Variants in LRBA observed in about 807,000 individuals in gnomAD.
LRBA encodes the protein lipopolysaccharide-responsive and beige-like anchor protein.
LRBA carries 176 observed loss-of-function variants against 330.0 expected under a neutral mutation model. The ratio of observed to expected loss-of-function variants is 0.53; its 90% CI spans 0.47 to 0.60. LRBA has a LOEUF of 0.60. LRBA is among the 20% of genes least tolerant of loss of function. The probability of loss-of-function intolerance (pLI) is 0.00; values close to 1 mark genes in which losing one functional copy is unlikely to be tolerated. For missense variants in LRBA, 3,259 were observed against 3,444.8 expected (o/e 0.95, Z 1.35); for synonymous variants, 1,230 against 1,193.0 (o/e 1.03, Z -0.64).
intron 53 of LRBA, among the ~76,000 whole-genome samples, chr4:150,288,346 G>A (rs1317671043): frequency 1.3e-5 from 2 of 151,750 alleles, no homozygotes; most frequent in African/African-American, 4.8e-5. Context: ...AATGGCTCAC[G>A]CCTGTAATCC....
At chr4:150,832,059 A>G in intron 28 of LRBA, 83 bp from the exon 29 acceptor site, 1 of 779,234 alleles carries the variant, frequency 1.3e-6, no homozygotes, top group Non-Finnish European at 1.9e-6. Flanking sequence ...TAAATACAAA[A>G]CATGTTCACA....
Position 150,905,854 on chromosome 4 carries a change from A to G in LRBA, c.1739T>C (p.Ile580Thr). The change falls in exon 13 of 57, where the codon ATT becomes ACT. Residue 580 changes from isoleucine (I) to threonine (T), a missense_variant. Physicochemically the swap from Ile to Thr is moderately conservative, Grantham distance 89. Transcript: ENST00000651943. The part of the protein sequence containing the change: ...DHVLLNPAIW[I>T]HTPAKVQLML... ...ATATATTACCTTGGCTGGGGTATGA[A>G]TCCATATGGCAGGATTAAGAAGAAC... is the stretch of plus-strand genomic sequence containing the variant. 1 of 1,613,300 alleles carries G rather than the reference A, an allele frequency of 6.2e-7. No homozygotes were observed. The highest frequency in any genetic ancestry group is 1.7e-4 in the Middle Eastern group (1 of 6,054).
intron 36 of LRBA, among the ~76,000 whole-genome samples, chr4:150,707,522 C>T (rs961223178): frequency 7.3e-5 from 11 of 151,544 alleles, no homozygotes; most frequent in African/African-American, 2.7e-4. Context: ...GTGTCAAAAA[C>T]TGCAGAGACC....
intron 37 of LRBA, among the ~76,000 whole-genome samples, chr4:150,670,140 C>T (rs763547040): frequency 6.6e-6 from 1 of 152,092 alleles, no homozygotes; most frequent in African/African-American, 2.4e-5. Flanking sequence ...ATTATTCCAT[C>T]GCCTTAAGTT....
chr4:150,494,120 T>A (rs1759286284), intron 40 of LRBA, among the ~76,000 whole-genome samples: 1 of 152,084 alleles, frequency 6.6e-6, no homozygotes, highest in African/African-American at 2.4e-5. Context: ...GGCCTAGACA[T>A]GTTAAATATT....
chr4:150,550,516 C>T (rs1051519614), intron 40 of LRBA, among the ~76,000 whole-genome samples: 1 of 152,128 alleles, frequency 6.6e-6, no homozygotes, highest in Non-Finnish European at 1.5e-5. Flanking sequence ...TATTCTTTTT[C>T]TCTGATGCCA....
chr4:150,796,559 T>C (rs1249457868), intron 34 of LRBA, among the ~76,000 whole-genome samples: 2 of 151,986 alleles, frequency 1.3e-5, no homozygotes, highest in East Asian at 1.9e-4. Flanking sequence ...TCCCATTTGA[T>C]TGCATTAGTA....
At chr4:150,464,492 T>C (rs1017633233) in intron 44 of LRBA, among the ~76,000 whole-genome samples, 7 of 152,054 alleles carry the variant, frequency 4.6e-5, no homozygotes, top group Non-Finnish European at 8.8e-5. Context: ...GCTCTACAGA[T>C]TCCATAATAC....
At chr4:150,734,638 A>G (rs1465583625) in intron 36 of LRBA, among the ~76,000 whole-genome samples, 2 of 152,184 alleles carry the variant, frequency 1.3e-5, no homozygotes, top group African/African-American at 4.8e-5. Context: ...GGTCATTTCT[A>G]TAGCTACAAA....
intron 28 of LRBA, among the ~76,000 whole-genome samples, chr4:150,833,187 T>C (rs982593670): frequency 2.6e-5 from 4 of 152,126 alleles, no homozygotes; most frequent in African/African-American, 9.7e-5. Flanking sequence ...TTGAAGGGCC[T>C]AGGCTCCATT....
intron 2 of LRBA, among the ~76,000 whole-genome samples, chr4:150,976,302 A>C (rs546443393): frequency 5.3e-5 from 8 of 152,284 alleles, no homozygotes; most frequent in African/African-American, 1.7e-4. Flanking sequence ...CCATAAACTC[A>C]CACGTCATAC....
intron 31 of LRBA, among the ~76,000 whole-genome samples, chr4:150,814,595 A>T (rs1032195795): frequency 1.1e-4 from 16 of 151,900 alleles, no homozygotes; most frequent in African/African-American, 3.9e-4. Flanking sequence ...CATCATCACA[A>T]GGAAGACTTG....
chr4:150,851,054 G>C, intron 23 of LRBA, 152 bp from the exon 24 acceptor site: 1 of 548,816 alleles, frequency 1.8e-6, no homozygotes, highest in Non-Finnish European at 3.2e-6. Flanking sequence ...TTATCAATGA[G>C]TAATAACATT....
At chr4:150,721,905 C>T (rs935314010) in intron 36 of LRBA, among the ~76,000 whole-genome samples, 18 of 152,208 alleles carry the variant, frequency 1.2e-4, no homozygotes, top group African/African-American at 4.3e-4. Flanking sequence ...GTGTGAGCCA[C>T]CACGACCAGC....
chr4:150,880,064 A>G (rs1728193256), intron 17 of LRBA, among the ~76,000 whole-genome samples: 1 of 152,208 alleles, frequency 6.6e-6, no homozygotes, highest in Non-Finnish European at 1.5e-5. Flanking sequence ...TCAATGGAAC[A>G]AAATAGAGAA....
chr4:150,826,060 G>A (rs1746230378), intron 30 of LRBA, among the ~76,000 whole-genome samples: 1 of 152,120 alleles, frequency 6.6e-6, no homozygotes, highest in Non-Finnish European at 1.5e-5. Context: ...CTTTTATGTG[G>A]GTACAGGATT....
rs553292266 is a variant in LRBA, at chr4:150,851,772, A to C, written c.3825+113T>G. On this transcript the variant is annotated intron_variant, in intron 23 of 56. Transcript: ENST00000651943. ...ATCTTCACATTCATTGCATTTATTT[A>C]GTTGTGAATAGCATGTGAACCAAAT... The C allele has an allele frequency of 3.8e-6, 4 of 1,047,536 alleles. No homozygotes were observed. In the East Asian group the frequency reaches 8.1e-5, roughly 21 times the overall value. 64.9% of individuals were successfully genotyped at this position (1,047,536 alleles called of 1,614,324 possible).
chr4:150,358,279 T>C (rs1738162759), intron 47 of LRBA, among the ~76,000 whole-genome samples: 1 of 152,186 alleles, frequency 6.6e-6, no homozygotes, highest in African/African-American at 2.4e-5. Context: ...TAATATGCTT[T>C]GATAACAGGT....
chr4:150,969,515 T>G (rs1046780650), intron 2 of LRBA, among the ~76,000 whole-genome samples: 2 of 152,202 alleles, frequency 1.3e-5, no homozygotes, highest in Non-Finnish European at 1.5e-5. Flanking sequence ...GCACCCAGGC[T>G]GGAGTGCAGT....
Sources: allele counts gnomAD v4.1 joint callset (sites outside exome capture counted in the v4.1 genomes callset), GRCh38; gene constraint gnomAD v4.1.1; transcripts MANE v1.5; gene names NCBI Gene and HGNC (gene_info 2026-07-23, HGNC 2026-07-21).